The following TPO variants were observed in gnomAD, a reference collection of about 807,000 sequenced individuals.
The protein encoded by TPO is thyroid peroxidase.
TPO carries 78 observed loss-of-function variants against 96.9 expected under a neutral mutation model. The ratio of observed to expected loss-of-function variants is 0.81; its 90% CI spans 0.67 to 0.97. The LOEUF is 0.97. Ranked by LOEUF, TPO falls within the 50% of genes least tolerant of loss-of-function variation. The probability of loss-of-function intolerance (pLI) is 0.00; values close to 1 mark genes in which losing one functional copy is unlikely to be tolerated. For synonymous variants in TPO, 547 were observed against 538.0 expected (o/e 1.02, Z -0.23); for missense variants, 1,252 against 1,274.8 (o/e 0.98, Z 0.27).
intron 15 of TPO, among the ~76,000 whole-genome samples, chr2:1,520,158 G>T (rs560870781): frequency 6.6e-6 from 1 of 152,222 alleles, no homozygotes; most frequent in South Asian, 2.1e-4. Flanking sequence ...AGCACCCCCA[G>T]ACCTGTGATT....
chr2:1,445,299 A>AC (rs1437609019), intron 5 of TPO, among the ~76,000 whole-genome samples: 1 of 113,518 alleles, frequency 8.8e-6, no homozygotes, highest in East Asian at 2.9e-4. Flanking sequence ...TTGGAAGGGA[A>AC]TGGGCAGGCT....
At chr2:1,403,973 G>T (rs1412187756) in intron 1 of TPO, among the ~76,000 whole-genome samples, 4 of 152,218 alleles carry the variant, frequency 2.6e-5, no homozygotes, top group Admixed American at 2.6e-4. Flanking sequence ...TAACCAGCCT[G>T]CACCAATTCA....
At chr2:1,535,449 C>G (rs138374487) in intron 15 of TPO, among the ~76,000 whole-genome samples, 649 of 50,084 alleles carry the variant, frequency 0.013, 52 homozygotes, top group African/African-American at 0.029. Flanking sequence ...CCCCCCCACT[C>G]TGTGCAACCT....
intron 15 of TPO, among the ~76,000 whole-genome samples, chr2:1,526,110 C>A (rs1352863926): frequency 1.9e-5 from 2 of 104,082 alleles, no homozygotes; most frequent in East Asian, 7.0e-4. Flanking sequence ...CTCCCCAAAT[C>A]CCCCCGACTC....
Position 1,422,356 on chromosome 2 carries a change from G to GCC in TPO, c.95-689_95-688insCC, listed in dbSNP as rs1558264383. Among the ~76,000 whole-genome samples the GCC allele has an allele frequency of 5.3e-3, 745 of 140,990 alleles. 16 individuals are homozygous for GCC. The highest frequency in any genetic ancestry group is 0.017 in the African/African-American group (697 of 40,246). The allele number at this position is 140,990 out of a possible 152,430, so 92.5% of individuals were successfully genotyped here. A position where few individuals can be genotyped will look rare whatever the true frequency, so the allele number is the denominator to read the frequency against. ...GCCTCTCCTGGACCGACCTCGTGCA[G>GCC]GCGCCGCGCTGGACCGACCTCGTGC... On this transcript the variant is annotated intron_variant, in intron 2 of 16. Coordinates refer to ENST00000329066, the MANE Select transcript of TPO (RefSeq NM_001206744.2).
In TPO at chr2:1,542,893, T is replaced by A. The variant is rs1680908137; in HGVS notation, c.*419T>A. 6.4e-6 allele frequency: 2 copies of A among 313,512 alleles called. No individual in the cohort carries two copies. Among genetic ancestry groups the A allele is most frequent in the African/African-American group, 4.3e-5 (2 of 46,316 alleles). The allele number at this position is 313,512 out of a possible 1,614,324, so 19.4% of individuals were successfully genotyped here. A position where few individuals can be genotyped will look rare whatever the true frequency, so the allele number is the denominator to read the frequency against. ...TCACCAGGTGTCCACAGGGCCTACA[T>A]CTGGCTTCCCTCTTCTCCTGGGAAG... is the stretch of plus-strand genomic sequence containing the variant. On this transcript the variant is annotated 3_prime_UTR_variant, in exon 17 of 17. Transcript: ENST00000329066.
rs190049309 is a variant in TPO at position 1,522,485 on chromosome 2, C to T, written c.2618+5503C>T. On this transcript the variant is annotated intron_variant, in intron 15 of 16. Transcript: ENST00000329066. ...CCCTCACAGACTCTCTACCCCACAC[C>T]GGCCCGCCACCGTGCCCTCACAGTC... 5.0e-3 allele frequency among the ~76,000 whole-genome samples: 753 copies of T among 150,952 alleles called. 9 individuals are homozygous for T. Among genetic ancestry groups the T allele is most frequent in the African/African-American group, 0.018 (719 of 41,004 alleles).
In TPO at chr2:1,477,304, C is replaced by G; in HGVS notation, c.1038C>G (p.Ala346=). 1.3e-6 allele frequency: 2 copies of G among 1,583,770 alleles called. No individual in the cohort carries two copies. Among genetic ancestry groups the G allele is most frequent in the Non-Finnish European group, 1.7e-6 (2 of 1,166,242 alleles). ...LERQLRNWTS[A]EGLLRVHARL... ...GGCAGCTGCGGAACTGGACCAGTGCCGAAGGGCTGCTCCGCGTCCACGCGC... is the reference window on the plus strand; with the variant it reads ...GGCAGCTGCGGAACTGGACCAGTGCGGAAGGGCTGCTCCGCGTCCACGCGC... Residue 346 remains alanine (A), a synonymous_variant, in exon 8 of 17, where the codon GCC becomes GCG. Coordinates refer to ENST00000329066, the MANE Select transcript of TPO (RefSeq NM_001206744.2).
chr2:1,540,602 C>G lies in TPO; in HGVS notation c.2627C>G (p.Thr876Ser), dbSNP rs1438312710. 2 of 1,613,526 alleles carry G rather than the reference C, an allele frequency of 1.2e-6. No homozygotes were observed. Among genetic ancestry groups the G allele is most frequent in the South Asian group, 2.2e-5 (2 of 91,068 alleles). Residue 876 changes from threonine to serine, a missense_variant, in exon 16 of 17, where the codon ACT becomes AGT. Physicochemically the swap from Thr to Ser is moderately conservative, Grantham distance 58 (BLOSUM62 1). Transcript: ENST00000329066. ...TSTVICRWTR[T>S]GTKSTLPISE... ...ACACGTGTCTCCCACAGGACACGCA[C>G]TGGCACTAAATCCACACTGCCCATC...
At position 1,477,195 on chromosome 2, in the gene TPO, C is replaced by T. The variant is rs368859716; in HGVS notation, c.929C>T (p.Thr310Met). The change falls in exon 8 of 17, where the codon ACG becomes ATG. Residue 310 changes from threonine to methionine, a missense_variant. Coordinates refer to ENST00000329066, the MANE Select transcript of TPO (RefSeq NM_001206744.2). ...GGCGCGCTCTTTGGGAACCTGTCCA[C>T]GGCCAACCCGCGGCAGCAGATGAAC... is the stretch of plus-strand genomic sequence containing the variant. ...DQGALFGNLS[T>M]ANPRQQMNGL... is the part of the protein sequence containing the mutation. 6.2e-6 allele frequency: 10 copies of T among 1,609,830 alleles called. No homozygotes were observed. The highest frequency in any genetic ancestry group is 3.3e-4 in the Middle Eastern group (2 of 6,062).
intron 7 of TPO, among the ~76,000 whole-genome samples, chr2:1,474,211 T>G (rs938131456): frequency 6.6e-6 from 1 of 152,240 alleles, no homozygotes; most frequent in African/African-American, 2.4e-5. Flanking sequence ...AATAGTAAAT[T>G]GTGTTATTGC....
chr2:1,478,915 C>T (rs1014009446), intron 8 of TPO, among the ~76,000 whole-genome samples: 3 of 152,284 alleles, frequency 2.0e-5, no homozygotes, highest in East Asian at 1.9e-4. Context: ...ACACGGCAGA[C>T]GAGTTCACTG....
chr2:1,424,621 G>A (rs372831362), intron 3 of TPO, among the ~76,000 whole-genome samples: 1 of 152,230 alleles, frequency 6.6e-6, no homozygotes, highest in South Asian at 2.1e-4. Flanking sequence ...ATCAACTGGG[G>A]AGACTATTGG....
At chr2:1,483,756 G>A (rs556070917) in intron 8 of TPO, among the ~76,000 whole-genome samples, 1 of 152,290 alleles carries the variant, frequency 6.6e-6, no homozygotes, top group Non-Finnish European at 1.5e-5. Context: ...GGGACAGCGA[G>A]GGCAGGTGCA....
At chr2:1,480,849 A>ACGTCCCTGCTGCTGCGTCTGTCC in intron 8 of TPO, among the ~76,000 whole-genome samples, 1 of 151,290 alleles carries the variant, frequency 6.6e-6, no homozygotes, top group Admixed American at 6.6e-5. Flanking sequence ...TGTCCTCACC[A>ACGTCCCTGCTGCTGCGTCTGTCC]TACCCACTCT....
chr2:1,491,680 CCAAGT>C (rs1461355190), intron 10 of TPO, among the ~76,000 whole-genome samples: 1 of 152,208 alleles, frequency 6.6e-6, no homozygotes, highest in Non-Finnish European at 1.5e-5. Flanking sequence ...TCTATATAAA[CCAAGT>C]GTCTACAGGT....
chr2:1,503,778 T>C (rs913039292), intron 13 of TPO, 170 bp from the exon 14 acceptor site: 4 of 1,257,302 alleles, frequency 3.2e-6, no homozygotes, highest in Non-Finnish European at 4.5e-6. Context: ...CCTCATCACC[T>C]TTTCGGATGT....
intron 8 of TPO, among the ~76,000 whole-genome samples, chr2:1,483,150 C>T (rs1475274159): frequency 6.6e-6 from 1 of 152,146 alleles, no homozygotes; most frequent in Non-Finnish European, 1.5e-5. Context: ...AGAGCTCTGG[C>T]AAGATCAGAC....
chr2:1,489,725 G>A (rs372909900), intron 10 of TPO, among the ~76,000 whole-genome samples: 5 of 152,342 alleles, frequency 3.3e-5, no homozygotes, highest in South Asian at 2.1e-4. Flanking sequence ...AGGGCCTAGC[G>A]GGAAGGGAAC....
Sources: gnomAD v4.1 joint callset for allele counts (sites outside exome capture counted in the v4.1 genomes callset) on GRCh38, gnomAD v4.1.1 for gene constraint, MANE v1.5 for transcripts, NCBI Gene and HGNC (gene_info 2026-07-23, HGNC 2026-07-21) for gene names.